Variants in VRK2 observed in about 807,000 individuals in gnomAD.
VRK2 encodes the protein VRK serine/threonine kinase 2.
A neutral mutation model predicts 57.6 loss-of-function variants in VRK2; 60 were observed. That is an observed-to-expected ratio of 1.04 (90% CI 0.85 to 1.29). The LOEUF (loss-of-function observed/expected upper bound fraction) is 1.29. VRK2 is among the 50% of genes most tolerant of loss of function. The pLI is 0.00. For missense variants in VRK2, 705 were observed against 588.1 expected, an observed-to-expected ratio of 1.20 and a Z score of -2.06; for synonymous variants, 231 against 199.2, an observed-to-expected ratio of 1.16 and a Z score of -1.35.
intron 1 of VRK2, among the ~76,000 whole-genome samples, chr2:57,991,344 T>C (rs72949103): frequency 1.3e-5 from 2 of 151,232 alleles, no homozygotes; most frequent in African/African-American, 2.4e-5. Flanking sequence ...AAAAGGTAAA[T>C]ATTACTCCAT....
chr2:58,104,181 T>C (rs1277474911), intron 7 of VRK2, among the ~76,000 whole-genome samples: 1 of 151,826 alleles, frequency 6.6e-6, no homozygotes, highest in East Asian at 1.9e-4. Flanking sequence ...TTACCACTCC[T>C]ATTTATCATA....
chr2:57,988,120 C>T (rs1672655445), intron 1 of VRK2, among the ~76,000 whole-genome samples: 1 of 152,016 alleles, frequency 6.6e-6, no homozygotes, highest in African/African-American at 2.4e-5. Context: ...CCAAATCTTG[C>T]AGGACTGTAT....
intron 8 of VRK2, among the ~76,000 whole-genome samples, chr2:58,127,186 GTCTTGTGTTATT>G (rs1233028737): frequency 1.3e-5 from 2 of 151,858 alleles, no homozygotes; most frequent in African/African-American, 2.4e-5. Context: ...TGAAATCCAA[GTCTTGTGTTATT>G]TCTTTCATGG....
intron 7 of VRK2, among the ~76,000 whole-genome samples, chr2:58,096,489 T>C (rs1208162977): frequency 6.6e-6 from 1 of 152,056 alleles, no homozygotes; most frequent in Non-Finnish European, 1.5e-5. Flanking sequence ...TCATGTTATC[T>C]GTTTTTTCAA....
At chr2:57,959,988 T>C (rs946529967) in intron 1 of VRK2, among the ~76,000 whole-genome samples, 2 of 147,152 alleles carry the variant, frequency 1.4e-5, no homozygotes, top group Admixed American at 6.9e-5. Context: ...GGGTGAGAAA[T>C]TGGGATGTGT....
chr2:58,071,192 A>T (rs533726363), intron 2 of VRK2, among the ~76,000 whole-genome samples: 1 of 152,020 alleles, frequency 6.6e-6, no homozygotes, highest in Non-Finnish European at 1.5e-5. Flanking sequence ...AATATTTTGT[A>T]TATTTTTGAT....
intron 1 of VRK2, chr2:58,048,408 T>A (rs1675193995): frequency 2.1e-6 from 1 of 467,848 alleles, no homozygotes; most frequent in Non-Finnish European, 3.5e-6. Flanking sequence ...TGTTCTTTTC[T>A]AGTGACTGAA....
At chr2:57,916,382 G>T (rs1025798111) in intron 1 of VRK2, among the ~76,000 whole-genome samples, 2 of 144,410 alleles carry the variant, frequency 1.4e-5, no homozygotes, top group Non-Finnish European at 3.0e-5. Context: ...CTCCAGCCTG[G>T]CAACAAGAGC....
At chr2:58,008,882 C>T (rs1673334687) in intron 1 of VRK2, among the ~76,000 whole-genome samples, 1 of 152,052 alleles carries the variant, frequency 6.6e-6, no homozygotes, top group Non-Finnish European at 1.5e-5. Flanking sequence ...AAGATCAAGG[C>T]ACTGGAAAGT....
At chr2:58,112,185 C>A (rs1046695896) in intron 7 of VRK2, among the ~76,000 whole-genome samples, 1 of 152,294 alleles carries the variant, frequency 6.6e-6, no homozygotes, top group South Asian at 2.1e-4. Context: ...TCATCCTTTA[C>A]AAGCTCTGTG....
intron 1 of VRK2, among the ~76,000 whole-genome samples, chr2:57,935,526 C>A (rs1398773749): frequency 6.6e-6 from 1 of 152,068 alleles, no homozygotes; most frequent in Non-Finnish European, 1.5e-5. Flanking sequence ...TGGATGCTGG[C>A]CTGGGAGAAG....
chr2:58,128,023 T>C (rs916926642), intron 8 of VRK2, among the ~76,000 whole-genome samples: 9 of 152,220 alleles, frequency 5.9e-5, no homozygotes, highest in African/African-American at 2.2e-4. Flanking sequence ...GTTGTTCTTA[T>C]ACCAGTTTAG....
chr2:57,941,575 T>C (rs2717037), intron 1 of VRK2, among the ~76,000 whole-genome samples: 2,044 of 152,304 alleles, frequency 0.013, 25 homozygotes, highest in Non-Finnish European at 0.021. Context: ...ACTGACATTG[T>C]CTGACCTGTC....
intron 12 of VRK2, among the ~76,000 whole-genome samples, chr2:58,154,294 T>A (rs572264860): frequency 3.0e-4 from 46 of 151,928 alleles, no homozygotes; most frequent in Non-Finnish European, 6.2e-4. Context: ...CTGCTCTAAT[T>A]TCTATCTTTC....
chr2:57,952,090 A>G (rs1370885730), intron 1 of VRK2, among the ~76,000 whole-genome samples: 3 of 151,778 alleles, frequency 2.0e-5, no homozygotes, highest in Non-Finnish European at 4.4e-5. Context: ...ATATATCTAT[A>G]TATTTATACC....
chr2:58,020,407 G>A (rs1315432080), intron 1 of VRK2, among the ~76,000 whole-genome samples: 1 of 152,138 alleles, frequency 6.6e-6, no homozygotes, highest in African/African-American at 2.4e-5. Flanking sequence ...GTCTCAATAT[G>A]TTTTGAAGGC....
chr2:58,046,509 G>C, upstream of VRK2: 1 of 985,498 alleles, frequency 1.0e-6, no homozygotes, highest in Non-Finnish European at 1.2e-6. Flanking sequence ...AATGCATGTC[G>C]TGCTTATTTC....
intron 1 of VRK2, chr2:58,048,488 CT>C: frequency 8.8e-7 from 1 of 1,130,128 alleles, no homozygotes; most frequent in Non-Finnish European, 1.2e-6. Context: ...AATTTATTTT[CT>C]TTCTTCATTG....
intron 2 of VRK2, chr2:58,026,794 C>G (rs1421375360): frequency 6.6e-6 from 1 of 152,164 alleles, no homozygotes; most frequent in East Asian, 1.9e-4. Context: ...TCACAGCTCA[C>G]TGAAGCCTCA....
Sources: allele counts gnomAD v4.1 joint callset (sites outside exome capture counted in the v4.1 genomes callset), GRCh38; gene constraint gnomAD v4.1.1; transcripts MANE v1.5; gene names NCBI Gene and HGNC (gene_info 2026-07-23, HGNC 2026-07-21).